HECW2: variants seen among roughly 807,000 people sequenced by gnomAD.
HECW2 encodes E3 ubiquitin-protein ligase HECW2.
HECW2 carries 61 observed loss-of-function variants against 175.2 expected under a neutral mutation model. The observed-to-expected ratio is 0.35, with a 90% CI of 0.28 to 0.43. The LOEUF (loss-of-function observed/expected upper bound fraction) is 0.43, where lower values mean the gene tolerates loss of function less well. Among genes scored for constraint, HECW2 ranks in the 20% least tolerant of loss-of-function variants. The probability of loss-of-function intolerance (pLI) is 1.00; values close to 1 mark genes in which losing one functional copy is unlikely to be tolerated. For synonymous variants in HECW2, 671 were observed against 731.0 expected, an observed-to-expected ratio of 0.92 and a Z score of 1.32; for missense variants, 1,524 against 2,000.5, an observed-to-expected ratio of 0.76 and a Z score of 4.54.
chr2:196,551,924 A>C (rs937144492), intron 1 of HECW2, among the ~76,000 whole-genome samples: 3 of 152,114 alleles, frequency 2.0e-5, no homozygotes, highest in African/African-American at 7.2e-5. Flanking sequence ...ATACTTCTTC[A>C]TTTTATTTTC....
intron 1 of HECW2, among the ~76,000 whole-genome samples, chr2:196,488,400 A>C (rs1687077026): frequency 6.6e-6 from 1 of 152,190 alleles, no homozygotes; most frequent in Non-Finnish European, 1.5e-5. Context: ...ACAAAACAGC[A>C]ATTCTTTCTC....
intron 22 of HECW2, among the ~76,000 whole-genome samples, chr2:196,227,823 T>C (rs10497780): frequency 0.052 from 7,963 of 152,254 alleles, 676 homozygotes; most frequent in African/African-American, 0.18. Flanking sequence ...GCATCATCTC[T>C]TTCTTGCAAT....
At chr2:196,204,195 C>T (rs1043838618) in intron 28 of HECW2, among the ~76,000 whole-genome samples, 1 of 152,064 alleles carries the variant, frequency 6.6e-6, no homozygotes, top group Non-Finnish European at 1.5e-5. Context: ...TTAAGTCCTC[C>T]TTTTCAATTT....
At chr2:196,261,499 T>C (rs550374735) in intron 17 of HECW2, among the ~76,000 whole-genome samples, 62 of 152,292 alleles carry the variant, frequency 4.1e-4, no homozygotes, top group African/African-American at 1.4e-3. Context: ...AATAAGCTTT[T>C]TGTTAAGAAG....
chr2:196,505,247 G>A (rs1687718179), intron 1 of HECW2, among the ~76,000 whole-genome samples: 1 of 152,028 alleles, frequency 6.6e-6, no homozygotes, highest in South Asian at 2.1e-4. Context: ...ATTAATAAAC[G>A]AGAAAACAAG....
intron 15 of HECW2, among the ~76,000 whole-genome samples, chr2:196,278,149 T>TATATATATATATATATATATATATAA (rs1481136211): frequency 4.4e-4 from 53 of 119,560 alleles, no homozygotes; most frequent in African/African-American, 1.4e-3. Flanking sequence ...TATATATATA[T>TATATATATATATATATATATATATAA]ATAAAGAAAT....
intron 1 of HECW2, among the ~76,000 whole-genome samples, chr2:196,521,837 AT>A: frequency 6.7e-6 from 1 of 149,490 alleles, no homozygotes; most frequent in Non-Finnish European, 1.5e-5. Context: ...GCTGCATAGT[AT>A]TCCATGGTGT....
At chr2:196,482,850 C>T (rs948418547) in intron 1 of HECW2, among the ~76,000 whole-genome samples, 2 of 152,116 alleles carry the variant, frequency 1.3e-5, no homozygotes, top group African/African-American at 4.8e-5. Flanking sequence ...GAGTGGGATG[C>T]CCTATGTGAC....
chr2:196,411,555 T>C (rs1004976393), intron 2 of HECW2, among the ~76,000 whole-genome samples: 19 of 152,260 alleles, frequency 1.2e-4, no homozygotes, highest in African/African-American at 3.6e-4. Context: ...TGTACTTCTG[T>C]AAAAGGAGAC....
At chr2:196,385,084 T>G (rs951406031) in intron 2 of HECW2, among the ~76,000 whole-genome samples, 2 of 152,048 alleles carry the variant, frequency 1.3e-5, no homozygotes, top group East Asian at 1.9e-4. Flanking sequence ...GTCCAGCTAA[T>G]TTTTATTTGT....
chr2:196,489,208 C>T (rs1285176887), intron 1 of HECW2, among the ~76,000 whole-genome samples: 1 of 152,038 alleles, frequency 6.6e-6, no homozygotes, highest in Admixed American at 6.6e-5. Context: ...CTTATAGAAG[C>T]GTATACTGAA....
chr2:196,537,621 G>T (rs971124320), intron 1 of HECW2, among the ~76,000 whole-genome samples: 5 of 152,084 alleles, frequency 3.3e-5, no homozygotes, highest in African/African-American at 1.2e-4. Flanking sequence ...CTTGAGTGAG[G>T]GCTAGGAAAA....
chr2:196,429,247 G>GT (rs201408125), intron 2 of HECW2, among the ~76,000 whole-genome samples: 3,081 of 152,052 alleles, frequency 0.02, 87 homozygotes, highest in African/African-American at 0.071. Flanking sequence ...GCCTGGGGGG[G>GT]GCCTACCTGC....
chr2:196,485,608 ATGG>A, intron 1 of HECW2, among the ~76,000 whole-genome samples: 1 of 152,274 alleles, frequency 6.6e-6, no homozygotes. Flanking sequence ...ACATTATCAC[ATGG>A]TGATTAAGTT....
At chr2:196,489,913 G>A (rs1200768863) in intron 1 of HECW2, among the ~76,000 whole-genome samples, 1 of 152,168 alleles carries the variant, frequency 6.6e-6, no homozygotes, top group South Asian at 2.1e-4. Flanking sequence ...GTGGCCAAGG[G>A]ACCTAAACAG....
chr2:196,571,118 C>G (rs1690369143), intron 1 of HECW2, among the ~76,000 whole-genome samples: 1 of 152,082 alleles, frequency 6.6e-6, no homozygotes, highest in Non-Finnish European at 1.5e-5. Context: ...TACTTCTTAC[C>G]CTTATACTCT....
At chr2:196,533,028 C>T (rs1472320439) in intron 1 of HECW2, among the ~76,000 whole-genome samples, 1 of 152,104 alleles carries the variant, frequency 6.6e-6, no homozygotes, top group East Asian at 1.9e-4. Flanking sequence ...AGGTGCATAC[C>T]ATGTAATTTT....
intron 1 of HECW2, among the ~76,000 whole-genome samples, chr2:196,468,561 T>C (rs1013123503): frequency 6.6e-6 from 1 of 152,218 alleles, no homozygotes; most frequent in African/African-American, 2.4e-5. Flanking sequence ...GAGTGGAGCC[T>C]GAGAATCTGC....
chr2:196,295,595 A>AAATCATTACAT (rs1370948219), intron 13 of HECW2, among the ~76,000 whole-genome samples: 8 of 152,218 alleles, frequency 5.3e-5, no homozygotes, highest in Non-Finnish European at 8.8e-5. Flanking sequence ...CTAAATAGGT[A>AAATCATTACAT]TACCTCTTTA....
Sources: allele counts gnomAD v4.1 joint callset (sites outside exome capture counted in the v4.1 genomes callset), GRCh38; gene constraint gnomAD v4.1.1; transcripts MANE v1.5; gene names NCBI Gene and HGNC (gene_info 2026-07-23, HGNC 2026-07-21).